The following XYLT2 variants were observed in gnomAD, a reference collection of about 807,000 sequenced individuals.
XYLT2 encodes xylosyltransferase 2, also known as UDP-D-xylose:proteoglycan core protein beta-D-xylosyltransferase.
In XYLT2, 37 loss-of-function variants were observed where a neutral mutation model predicts 82.6. The observed-to-expected ratio is 0.45, with a 90% CI of 0.34 to 0.59. The LOEUF is 0.59. Among genes scored for constraint, XYLT2 ranks in the 20% least tolerant of loss-of-function variants. XYLT2 has a pLI of 0.01. For missense variants in XYLT2, 934 were observed against 1,181.3 expected, an observed-to-expected ratio of 0.79 and a Z score of 3.07; for synonymous variants, 474 against 499.0, an observed-to-expected ratio of 0.95 and a Z score of 0.67.
chr17:50,360,807 C>A lies in XYLT2; in HGVS notation c.*516C>A. ...TGCTCGTGGCTGAGGCTCCACAGGG[C>A]TGCAAGTGCCCTGCCAGGCTCTAAG... On this transcript the variant is annotated 3_prime_UTR_variant, in exon 11 of 11. Coordinates refer to ENST00000017003, the MANE Select transcript of XYLT2 (RefSeq NM_022167.4). The A allele has an allele frequency of 1.0e-6, 1 of 986,124 alleles. No individual in the cohort carries two copies. The allele number at this position is 986,124 out of a possible 1,614,324, so 61.1% of individuals were successfully genotyped here. A position where few individuals can be genotyped will look rare whatever the true frequency, so the allele number is the denominator to read the frequency against.
chr17:50,360,208 T>C lies in XYLT2; in HGVS notation c.2515T>C (p.Cys839Arg). The C allele has an allele frequency of 6.2e-7, 1 of 1,614,052 alleles. No individual in the cohort carries two copies. The highest frequency in any genetic ancestry group is 8.5e-7 in the Non-Finnish European group (1 of 1,179,980). ...CTCTCCCTGCCCCTCCCTGGAGCCC[T>C]GCAGACTGACCAGCTGGAGCTCTCT... ...GPSPCPSLEP[C>R]RLTSWSSLSP... Residue 839 changes from cysteine to arginine, a missense_variant, in exon 11 of 11, where the codon TGC (cysteine) becomes CGC (arginine). This residue lies in a region of XYLT2 where 374 missense variants were observed against 465.6 expected (regional missense o/e 0.80). Coordinates refer to ENST00000017003, the MANE Select transcript of XYLT2 (RefSeq NM_022167.4).
At position 50,350,323 on chromosome 17, in the gene XYLT2, T is replaced by C; in HGVS notation, c.136-3307T>C. ...GCTTAGGCCTGTAATCCCAGCACTT[T>C]GGGAGGCCAAGGTTTGTGGATCACT... is the stretch of plus-strand genomic sequence containing the variant. On this transcript the variant is annotated intron_variant, in intron 1 of 10. Coordinates refer to ENST00000017003, the MANE Select transcript of XYLT2 (RefSeq NM_022167.4). 1.9e-5 allele frequency among the ~76,000 whole-genome samples: 2 copies of C among 104,744 alleles called. 1 individual carries two copies. Among genetic ancestry groups the C allele is most frequent in the African/African-American group, 6.3e-5 (2 of 31,740 alleles). The allele number at this position is 104,744 out of a possible 152,430, so 68.7% of individuals were successfully genotyped here.
intron 1 of XYLT2, among the ~76,000 whole-genome samples, chr17:50,349,930 C>A (rs1462014737): frequency 2.0e-5 from 3 of 152,150 alleles, no homozygotes; most frequent in Admixed American, 2.0e-4. Context: ...CGCCTGTAAT[C>A]CCAGCACTTT....
chr17:50,357,383 T>C (rs1203403027), intron 9 of XYLT2, 131 bp downstream of exon 9: 1 of 903,410 alleles, frequency 1.1e-6, no homozygotes, highest in African/African-American at 1.7e-5. Context: ...GATGCCCCCA[T>C]GCAGACATCC....
rs775662377 is a variant in XYLT2 at position 50,354,855 on chromosome 17, G to A, written c.806G>A (p.Arg269His). ...QHFFYIHVDK[R>H]SDYLHREVVE... is the part of the protein sequence containing the mutation. Reference sequence around the variant, plus strand: ...AGCTGAGTGTCTCCTCCCCACCAGCGTTCCGACTACCTGCACCGGGAGGTG... The same window carrying A: ...AGCTGAGTGTCTCCTCCCCACCAGCATTCCGACTACCTGCACCGGGAGGTG... Residue 269 changes from arginine (R) to histidine (H), a missense_variant and splice_region_variant, in exon 4 of 11, where the codon CGT (arginine) becomes CAT (histidine). Physicochemically the swap from Arg to His is conservative, Grantham distance 29. Transcript: ENST00000017003. The A allele has an allele frequency of 8.1e-6, 13 of 1,613,362 alleles. No homozygotes were observed. Among genetic ancestry groups the A allele is most frequent in the South Asian group, 3.3e-5 (3 of 91,076 alleles).
Position 50,356,615 on chromosome 17 carries a change from C to G in XYLT2, c.1587C>G (p.Gly529=), listed in dbSNP as rs773726340. 5.6e-6 allele frequency: 9 copies of G among 1,614,142 alleles called. No individual in the cohort carries two copies. The South Asian group carries it at 9.9e-5, about 18-fold the overall frequency. The change falls in exon 8 of 11, where the codon GGC becomes GGG. Residue 529 remains glycine, a synonymous_variant. Coordinates refer to ENST00000017003, the MANE Select transcript of XYLT2 (RefSeq NM_022167.4). ...DFHLYGSYPP[G]TPALKAYWEN... is the part of the protein sequence containing the mutation. ...ACCTGTATGGCAGCTACCCCCCCGG[C>G]ACGCCAGCCCTCAAGGCCTACTGGG...
Position 50,360,272 on chromosome 17 carries a change from C to T in XYLT2, c.2579C>T (p.Ala860Val). The change falls in exon 11 of 11, where the codon GCA becomes GTA. Residue 860 changes from alanine to valine, a missense_variant. Ala to Val is a moderately conservative substitution (Grantham distance 64). Coordinates refer to ENST00000017003, the MANE Select transcript of XYLT2 (RefSeq NM_022167.4). ...AAATCAGAGCTGGGGCCTGTCAAAG[C>T]AGACGGGCGACTCAGGTAGCAGGGC... ...DPKSELGPVK[A>V]DGRLR 2 of 1,598,896 alleles carry T rather than the reference C, an allele frequency of 1.3e-6. No homozygotes were observed. The highest frequency in any genetic ancestry group is 1.7e-6 in the Non-Finnish European group (2 of 1,170,530).
chr17:50,354,251 C>T, intron 2 of XYLT2, 129 bp downstream of exon 2: 1 of 1,516,930 alleles, frequency 6.6e-7, no homozygotes, highest in Non-Finnish European at 8.8e-7. Context: ...AAGTCTTCAT[C>T]CAGTGTACTT....
Position 50,354,966 on chromosome 17 carries a change from T to C in XYLT2, c.917T>C (p.Met306Thr). The change falls in exon 4 of 11, where the codon ATG becomes ACG. Residue 306 changes from methionine (M) to threonine (T), a missense_variant. Transcript: ENST00000017003. Reference sequence around the variant, plus strand: ...TGGGGCGGGGCCAGCCTCCTGAGGATGTACCTGCGGAGCATGCGGGACCTG... The same window carrying C: ...TGGGGCGGGGCCAGCCTCCTGAGGACGTACCTGCGGAGCATGCGGGACCTG... ...TIWGGASLLR[M>T]YLRSMRDLLE... 6.3e-7 allele frequency: 1 copy of C among 1,581,920 alleles called. No individual in the cohort carries two copies. The highest frequency in any genetic ancestry group is 8.6e-7 in the Non-Finnish European group (1 of 1,163,788).
rs1354246178 is a variant in XYLT2, at chr17:50,354,491, C to T, written c.712C>T (p.Leu238=). 6.2e-7 allele frequency: 1 copy of T among 1,613,336 alleles called. No homozygotes were observed. The highest frequency in any genetic ancestry group is 8.5e-7 in the Non-Finnish European group (1 of 1,179,954). ...CCCCCCGGTGCGAATCGCCTACATG[C>T]TGGTGGTTCACGGCCGCGCCATCCG... The part of the protein sequence containing the change: ...DGPPVRIAYM[L]VVHGRAIRQL... The change falls in exon 3 of 11, where the codon CTG becomes TTG. Residue 238 remains leucine, a synonymous_variant. Transcript: ENST00000017003.
Position 50,360,199 on chromosome 17 carries a change from C to G in XYLT2, c.2506C>G (p.Leu836Val). The change falls in exon 11 of 11, where the codon CTG becomes GTG. Residue 836 changes from leucine (L) to valine (V), a missense_variant. By Grantham distance (32) the Leu-to-Val change is conservative. Coordinates refer to ENST00000017003, the MANE Select transcript of XYLT2 (RefSeq NM_022167.4). ...CATAGGCCCCTCTCCCTGCCCCTCC[C>G]TGGAGCCCTGCAGACTGACCAGCTG... ...CAIGPSPCPS[L>V]EPCRLTSWSS... The G allele has an allele frequency of 6.2e-7, 1 of 1,614,104 alleles. No homozygotes were observed. The highest frequency in any genetic ancestry group is 8.5e-7 in the Non-Finnish European group (1 of 1,179,982).
chr17:50,346,934 G>C lies in XYLT2; in HGVS notation c.135+659G>C, dbSNP rs1452490570. The C allele has an allele frequency of 1.0e-6, 1 of 985,246 alleles. No individual in the cohort carries two copies. Among genetic ancestry groups the C allele is most frequent in the Admixed American group, 6.1e-5 (1 of 16,268 alleles). 61.0% of individuals were successfully genotyped at this position (985,246 alleles called of 1,614,324 possible). ...GGGCAGGGAGAGGAGGAACTGAGCT[G>C]GTGAGTTGGCCTCAGGACCTTAGGG... is the stretch of plus-strand genomic sequence containing the variant. On this transcript the variant is annotated intron_variant, in intron 1 of 10. Transcript: ENST00000017003. The surrounding 1 kb of genome is among the most constrained non-coding windows in gnomAD (Gnocchi z 5.1).
In XYLT2 at chr17:50,360,481, G is replaced by C. The variant is rs2143249910; in HGVS notation, c.*190G>C. ...CTGCTGATGTCTCTGTTGGGGATCA[G>C]AGGGCTGGCGGGAACGCGAGAAGGG... On this transcript the variant is annotated 3_prime_UTR_variant, in exon 11 of 11. Transcript: ENST00000017003. The C allele has an allele frequency of 2.3e-6, 3 of 1,312,942 alleles. No homozygotes were observed. Among genetic ancestry groups the C allele is most frequent in the Middle Eastern group, 5.7e-4 (2 of 3,498 alleles). 81.3% of individuals were successfully genotyped at this position (1,312,942 alleles called of 1,614,324 possible). A position where few individuals can be genotyped will look rare whatever the true frequency, so the allele number is the denominator to read the frequency against.
intron 9 of XYLT2, chr17:50,357,523 T>C (rs762404932): frequency 2.2e-5 from 9 of 402,432 alleles, no homozygotes; most frequent in Non-Finnish European, 3.9e-5. Flanking sequence ...ACTACAGAGA[T>C]TTCGCCTAGA....
chr17:50,356,429 C>T, intron 7 of XYLT2, 82 bp from the exon 8 acceptor site: 1 of 1,573,712 alleles, frequency 6.4e-7, no homozygotes, highest in Non-Finnish European at 8.6e-7. Context: ...AGGCTGAGCT[C>T]TAGGCAGTGC....
In XYLT2 at chr17:50,354,473, G is replaced by A; in HGVS notation, c.694G>A (p.Val232Met). 6.2e-7 allele frequency: 1 copy of A among 1,612,716 alleles called. No homozygotes were observed. The highest frequency in any genetic ancestry group is 8.5e-7 in the Non-Finnish European group (1 of 1,179,914). ...CCAGCAGCCCATGGATGGCCCCCCG[G>A]TGCGAATCGCCTACATGCTGGTGGT... is the stretch of plus-strand genomic sequence containing the variant. ...QAQQPMDGPP[V>M]RIAYMLVVHG... The change falls in exon 3 of 11, where the codon GTG becomes ATG. Residue 232 changes from valine to methionine, a missense_variant. Physicochemically the swap from Val to Met is conservative, Grantham distance 21. Coordinates refer to ENST00000017003, the MANE Select transcript of XYLT2 (RefSeq NM_022167.4).
chr17:50,356,320 G>A (rs1912526766), intron 7 of XYLT2, 59 bp downstream of exon 7: 3 of 1,586,600 alleles, frequency 1.9e-6, no homozygotes, highest in Non-Finnish European at 2.6e-6. Context: ...TTTTCACCAG[G>A]AAAATGGCAG....
rs753502919 is a variant in XYLT2, at chr17:50,354,910, G to A, written c.861G>A (p.Val287=). The A allele has an allele frequency of 9.9e-6, 16 of 1,609,558 alleles. No homozygotes were observed. The highest frequency in any genetic ancestry group is 1.4e-5 in the Non-Finnish European group (16 of 1,177,842). Residue 287 remains valine (V), a synonymous_variant, in exon 4 of 11, where the codon GTG becomes GTA. Transcript: ENST00000017003. ...AGCTGGCCCAGGGCTATGATAACGT[G>A]CGGGTGACGCCCTGGCGCATGGTTA... ...VVELAQGYDN[V]RVTPWRMVTI...
rs1236660505 is a variant in XYLT2 at position 50,346,134 on chromosome 17, C to A, written c.-7C>A. The stretch of plus-strand genomic sequence containing the variant: ...CTGGGCGCGCGCCCCGCGTCCCGGG[C>A]AGGAAGATGGTGGCGAGCGCGCGAG... On this transcript the variant is annotated 5_prime_UTR_variant, in exon 1 of 11. Coordinates refer to ENST00000017003, the MANE Select transcript of XYLT2 (RefSeq NM_022167.4). The surrounding 1 kb of genome is among the most constrained non-coding windows in gnomAD (Gnocchi z 5.1). The A allele has an allele frequency of 1.6e-6, 2 of 1,235,468 alleles. No individual in the cohort carries two copies. Among genetic ancestry groups the A allele is most frequent in the African/African-American group, 1.6e-5 (1 of 61,876 alleles). 76.5% of individuals were successfully genotyped at this position (1,235,468 alleles called of 1,614,324 possible).
Sources: gnomAD v4.1 joint callset for allele counts (sites outside exome capture counted in the v4.1 genomes callset) on GRCh38, gnomAD v4.1.1 for gene constraint, gnomAD v4.1.1 regional missense constraint, Gnocchi (gnomAD v3.1) non-coding constraint, MANE v1.5 for transcripts, NCBI Gene and HGNC (gene_info 2026-07-23, HGNC 2026-07-21) for gene names.